OSBPL9: variants seen among roughly 807,000 people sequenced by gnomAD.
OSBPL9 encodes oxysterol-binding protein-related protein 9.
OSBPL9 carries 40 observed loss-of-function variants against 106.6 expected under a neutral mutation model. The ratio of observed to expected loss-of-function variants is 0.38; its 90% CI spans 0.29 to 0.49. The LOEUF (loss-of-function observed/expected upper bound fraction) is 0.49, where lower values mean the gene tolerates loss of function less well. Ranked by LOEUF, OSBPL9 falls within the 20% of genes least tolerant of loss-of-function variation. The pLI is 0.97. For synonymous variants in OSBPL9, 269 were observed against 295.4 expected (o/e 0.91, Z 0.92); for missense variants, 609 against 887.2 (o/e 0.69, Z 3.98).
chr1:51,679,672 A>G (rs1029747316), intron 3 of OSBPL9, among the ~76,000 whole-genome samples: 1 of 152,190 alleles, frequency 6.6e-6, no homozygotes, highest in Non-Finnish European at 1.5e-5. Context: ...CTTTTGTCCC[A>G]TGTATCTATG....
chr1:51,607,126 C>T (rs890153356), intron 2 of OSBPL9, among the ~76,000 whole-genome samples: 5 of 150,746 alleles, frequency 3.3e-5, no homozygotes, highest in Middle Eastern at 3.5e-3. Context: ...CATAATCCCA[C>T]AAACTGACTA....
the OSBPL9 span, among the ~76,000 whole-genome samples, chr1:51,549,737 G>A: frequency 6.6e-6 from 1 of 152,352 alleles, no homozygotes; most frequent in African/African-American, 2.4e-5. Context: ...GGAGGCTGAG[G>A]CAGGAGGATG....
intron 21 of OSBPL9, 148 bp from the exon 22 acceptor site, chr1:51,786,376 CAG>C (rs1275513587): frequency 1.7e-6 from 1 of 595,072 alleles, no homozygotes; most frequent in Non-Finnish European, 3.0e-6. Context: ...TGTTCTTAAA[CAG>C]AGGAAAGATG....
At chr1:51,683,140 G>T (rs1314434027) in intron 3 of OSBPL9, among the ~76,000 whole-genome samples, 2 of 151,996 alleles carry the variant, frequency 1.3e-5, no homozygotes, top group African/African-American at 2.4e-5. Context: ...CTCCCAAAGT[G>T]CTGGGACTAC....
chr1:51,557,200 G>A, the OSBPL9 span, among the ~76,000 whole-genome samples: 4 of 152,040 alleles, frequency 2.6e-5, no homozygotes, highest in Non-Finnish European at 2.9e-5. Flanking sequence ...GCTTTTATTT[G>A]GCTTACATTA....
chr1:51,761,582 T>A (rs1671515894), intron 10 of OSBPL9, among the ~76,000 whole-genome samples: 1 of 152,184 alleles, frequency 6.6e-6, no homozygotes, highest in Non-Finnish European at 1.5e-5. Context: ...AAACACATTA[T>A]CATCAGAAGC....
intron 3 of OSBPL9, among the ~76,000 whole-genome samples, chr1:51,669,974 A>G (rs1319758313): frequency 1.3e-5 from 2 of 152,258 alleles, no homozygotes; most frequent in Admixed American, 6.5e-5. Flanking sequence ...CTCTGCTTCA[A>G]GAACTACAAG....
At chr1:51,616,003 G>GTTTTTTTTTTTTTT (rs764823727), upstream of OSBPL9, among the ~76,000 whole-genome samples, 5 of 104,494 alleles carry the variant, frequency 4.8e-5, no homozygotes, top group African/African-American at 1.4e-4. Context: ...AAATCCTTTG[G>GTTTTTTTTTTTTTT]TTTTTTTTTT....
chr1:51,544,359 AG>A, the OSBPL9 span, among the ~76,000 whole-genome samples: 3 of 152,192 alleles, frequency 2.0e-5, no homozygotes, highest in East Asian at 5.8e-4. Context: ...GGAAAAAAAA[AG>A]AAAGATGTGG....
intron 2 of OSBPL9, among the ~76,000 whole-genome samples, chr1:51,659,645 GA>G (rs1557652217): frequency 6.6e-6 from 1 of 150,916 alleles, no homozygotes; most frequent in Non-Finnish European, 1.5e-5. Context: ...AGATTGGGAG[GA>G]AAAAAACGAA....
At chr1:51,590,173 G>A (rs1645267425) in intron 1 of OSBPL9, among the ~76,000 whole-genome samples, 1 of 152,022 alleles carries the variant, frequency 6.6e-6, no homozygotes, top group African/African-American at 2.4e-5. Context: ...GATACAATCT[G>A]ATTTACATTT....
At chr1:51,647,043 C>T (rs372315320) in intron 1 of OSBPL9, among the ~76,000 whole-genome samples, 9 of 152,248 alleles carry the variant, frequency 5.9e-5, no homozygotes, top group South Asian at 2.1e-4. Flanking sequence ...ATTACATATG[C>T]GGTTACCTTG....
rs1048327376 is a variant in OSBPL9 at position 51,711,209 on chromosome 1, A to G, written c.242-2794A>G. 4.9e-4 allele frequency among the ~76,000 whole-genome samples: 74 copies of G among 150,790 alleles called. 1 individual carries two copies. Among genetic ancestry groups the G allele is most frequent in the Non-Finnish European group, 3.4e-4 (23 of 67,700 alleles). ...CCATCGTCATCCTGGCCCGTTCTCA[A>G]TGAGCTGCTGGGCACACCTCCCAGA... is the stretch of plus-strand genomic sequence containing the variant. On this transcript the variant is annotated intron_variant, in intron 3 of 23. Coordinates refer to ENST00000428468, the MANE Select transcript of OSBPL9 (RefSeq NM_024586.6).
At position 51,764,308 on chromosome 1, in the gene OSBPL9, A is replaced by AT. The variant is rs559341357; in HGVS notation, c.779-1504dup. 2.4e-3 allele frequency among the ~76,000 whole-genome samples: 367 copies of AT among 150,198 alleles called. 1 individual carries two copies. Among genetic ancestry groups the AT allele is most frequent in the African/African-American group, 8.4e-3 (344 of 40,998 alleles). On this transcript the variant is annotated intron_variant, in intron 11 of 23. Transcript: ENST00000428468. ...CTTAATCATTTGCAATTCTTGATCA[A>AT]TTTTTTTTTTATTCCAATAAGAAAA...
Position 51,652,070 on chromosome 1 carries a change from C to G in OSBPL9, c.162+29C>G, listed in dbSNP as rs774912121. 7 of 1,518,542 alleles carry G rather than the reference C, an allele frequency of 4.6e-6. No homozygotes were observed. The South Asian group carries it at 8.3e-5, about 18-fold the overall frequency. 94.1% of individuals were successfully genotyped at this position (1,518,542 alleles called of 1,614,324 possible). A position where few individuals can be genotyped will look rare whatever the true frequency, so the allele number is the denominator to read the frequency against. ...AGTATTTATTCATTTTTATGAAAAT[C>G]AATTTTGACAGAAGAAAATTGTATT... On this transcript the variant is annotated intron_variant, in intron 2 of 23. Coordinates refer to ENST00000428468, the MANE Select transcript of OSBPL9 (RefSeq NM_024586.6).
intron 16 of OSBPL9, among the ~76,000 whole-genome samples, chr1:51,782,155 A>G (rs945204897): frequency 6.6e-6 from 1 of 152,202 alleles, no homozygotes; most frequent in Non-Finnish European, 1.5e-5. Flanking sequence ...AAAGGCTTTA[A>G]GAAGTAAAAA....
chr1:51,705,315 C>A (rs1385785138), intron 3 of OSBPL9, among the ~76,000 whole-genome samples: 1 of 136,748 alleles, frequency 7.3e-6, no homozygotes, highest in African/African-American at 2.8e-5. Context: ...CTTTTTGATA[C>A]CTGCATAGTA....
At chr1:51,727,198 C>A in intron 4 of OSBPL9, among the ~76,000 whole-genome samples, 1 of 148,898 alleles carries the variant, frequency 6.7e-6, no homozygotes, top group African/African-American at 2.5e-5. Context: ...GAATTAAGTC[C>A]CTAGGGCTGC....
At position 51,664,178 on chromosome 1, in the gene OSBPL9, A is replaced by G. The variant is rs543911522; in HGVS notation, c.163-5256A>G. On this transcript the variant is annotated intron_variant, in intron 2 of 23. Coordinates refer to ENST00000428468, the MANE Select transcript of OSBPL9 (RefSeq NM_024586.6). ...ACAAAAGATATGAATAAGAATATTC[A>G]TAGGAGCTTTATTCTAATAACGTAA... 2.6e-5 allele frequency among the ~76,000 whole-genome samples: 4 copies of G among 152,360 alleles called. No homozygotes were observed. In the South Asian group the frequency reaches 8.3e-4, roughly 32 times the overall value.
Sources: allele counts gnomAD v4.1 joint callset (sites outside exome capture counted in the v4.1 genomes callset), GRCh38; gene constraint gnomAD v4.1.1; transcripts MANE v1.5; gene names NCBI Gene and HGNC (gene_info 2026-07-23, HGNC 2026-07-21).